The following RAD51B variants were observed in gnomAD, a reference collection of about 807,000 sequenced individuals.
The protein encoded by RAD51B is DNA repair protein RAD51 homolog 2.
A neutral mutation model predicts 42.2 loss-of-function variants in RAD51B; 38 were observed. The ratio of observed to expected loss-of-function variants is 0.90; its 90% CI spans 0.70 to 1.18. RAD51B has a LOEUF of 1.18. RAD51B is among the 50% of genes most tolerant of loss of function. The probability of loss-of-function intolerance (pLI) is 0.00; values close to 1 mark genes in which losing one functional copy is unlikely to be tolerated. For synonymous variants in RAD51B, 154 were observed against 145.2 expected (o/e 1.06, Z -0.43); for missense variants, 373 against 400.7 (o/e 0.93, Z 0.59).
At chr14:68,128,136 T>C (rs1341693632) in intron 7 of RAD51B, among the ~76,000 whole-genome samples, 1 of 152,236 alleles carries the variant, frequency 6.6e-6, no homozygotes, top group Non-Finnish European at 1.5e-5. Flanking sequence ...GTAGAAACCT[T>C]CTGAACATGG....
chr14:68,173,020 T>G (rs1322083186), intron 7 of RAD51B, among the ~76,000 whole-genome samples: 1 of 152,222 alleles, frequency 6.6e-6, no homozygotes, highest in Non-Finnish European at 1.5e-5. Context: ...TTGCATTTTT[T>G]CAAGGCATTT....
At chr14:68,223,021 T>G (rs948701880) in intron 7 of RAD51B, among the ~76,000 whole-genome samples, 6 of 152,166 alleles carry the variant, frequency 3.9e-5, no homozygotes, top group Non-Finnish European at 7.4e-5. Flanking sequence ...GGGAATCTCC[T>G]AGATGTTGTG....
chr14:68,416,880 T>C (rs2084574243), intron 9 of RAD51B, among the ~76,000 whole-genome samples: 1 of 152,064 alleles, frequency 6.6e-6, no homozygotes, highest in African/African-American at 2.4e-5. Flanking sequence ...CCAGATAGCA[T>C]GAGGAGGGTA....
intron 7 of RAD51B, among the ~76,000 whole-genome samples, chr14:68,190,922 A>G (rs1566717434): frequency 6.6e-6 from 1 of 152,176 alleles, no homozygotes; most frequent in Non-Finnish European, 1.5e-5. Flanking sequence ...TTTATGAGTA[A>G]TAATGAAATG....
intron 7 of RAD51B, among the ~76,000 whole-genome samples, chr14:68,003,005 A>G (rs2075515772): frequency 6.6e-6 from 1 of 152,166 alleles, no homozygotes. Context: ...TGTCTTGGGT[A>G]TTCAGGCTCT....
At position 68,072,088 on chromosome 14, in the gene RAD51B, A is replaced by T. The variant is rs1373194201; in HGVS notation, c.756+184884A>T. ...TTATATAAATATATAAATATATATA[A>T]ATATATAATATATAAAATATAAAAA... On this transcript the variant is annotated intron_variant, in intron 7 of 10. Coordinates refer to ENST00000471583, the MANE Select transcript of RAD51B (RefSeq NM_133510.4). 2.4e-4 allele frequency among the ~76,000 whole-genome samples: 31 copies of T among 126,534 alleles called. 2 individuals carry two copies. The highest frequency in any genetic ancestry group is 4.1e-3 in the Middle Eastern group (1 of 244). 83.0% of individuals were successfully genotyped at this position (126,534 alleles called of 152,430 possible). A position where few individuals can be genotyped will look rare whatever the true frequency, so the allele number is the denominator to read the frequency against.
In RAD51B at chr14:67,899,341, A is replaced by G. The variant is rs556184197; in HGVS notation, c.756+12137A>G. On this transcript the variant is annotated intron_variant, in intron 7 of 10. Coordinates refer to ENST00000471583, the MANE Select transcript of RAD51B (RefSeq NM_133510.4). ...TGGGATTACAGGTGTGAGCCACCAC[A>G]CCCGGCCTAGATTATTTTAATGTTG... Among the ~76,000 whole-genome samples, 79 of 151,724 alleles carry G rather than the reference A, an allele frequency of 5.2e-4. 1 individual carries two copies. Among genetic ancestry groups the G allele is most frequent in the South Asian group, 3.5e-3 (17 of 4,810 alleles).
At chr14:68,064,005 T>C (rs2076610284) in intron 7 of RAD51B, among the ~76,000 whole-genome samples, 1 of 152,214 alleles carries the variant, frequency 6.6e-6, no homozygotes. Context: ...TGATATGTTT[T>C]GATTCCTTTT....
At chr14:68,002,631 A>G (rs2075506738) in intron 7 of RAD51B, among the ~76,000 whole-genome samples, 1 of 152,162 alleles carries the variant, frequency 6.6e-6, no homozygotes, top group Non-Finnish European at 1.5e-5. Flanking sequence ...GGTATTGCCA[A>G]GATTTTCTTC....
chr14:68,275,694 A>C (rs79847806), intron 7 of RAD51B, among the ~76,000 whole-genome samples: 3,976 of 152,018 alleles, frequency 0.026, 189 homozygotes, highest in African/African-American at 0.09. Flanking sequence ...ACCCTGTTGC[A>C]TGCAAATTAG....
At chr14:68,540,198 A>G in intron 10 of RAD51B, 3 of 778,952 alleles carry the variant, frequency 3.9e-6, no homozygotes, top group Non-Finnish European at 4.6e-6. Flanking sequence ...TTTTAAATAC[A>G]GGATCTAGAG....
intron 8 of RAD51B, among the ~76,000 whole-genome samples, chr14:68,397,257 A>G (rs2083950188): frequency 6.6e-6 from 1 of 152,236 alleles, no homozygotes; most frequent in African/African-American, 2.4e-5. Context: ...ATTTCTGGAT[A>G]AGCATTGGCC....
At chr14:68,124,333 A>G (rs1206444008) in intron 7 of RAD51B, among the ~76,000 whole-genome samples, 2 of 152,224 alleles carry the variant, frequency 1.3e-5, no homozygotes, top group Non-Finnish European at 2.9e-5. Flanking sequence ...ATAGAGGCAC[A>G]ATAGTATTGG....
chr14:68,044,662 A>G lies in RAD51B; in HGVS notation c.756+157458A>G, dbSNP rs535685222. Among the ~76,000 whole-genome samples the G allele has an allele frequency of 2.0e-5, 3 of 152,200 alleles. No homozygotes were observed. The South Asian group carries it at 6.2e-4, about 32-fold the overall frequency. ...TTAAACTTTGGTCCTTGTCCTTGTT[A>G]CTTTAAAACAGAGAACTTAGTAAAG... On this transcript the variant is annotated intron_variant, in intron 7 of 10. Coordinates refer to ENST00000471583, the MANE Select transcript of RAD51B (RefSeq NM_133510.4).
chr14:67,943,628 A>T (rs1191170387), intron 7 of RAD51B, among the ~76,000 whole-genome samples: 2 of 152,140 alleles, frequency 1.3e-5, no homozygotes, highest in Non-Finnish European at 2.9e-5. Context: ...AAGAACAGTG[A>T]ATCATAGCTC....
intron 7 of RAD51B, among the ~76,000 whole-genome samples, chr14:68,174,510 G>A (rs1400514693): frequency 2.0e-5 from 3 of 152,156 alleles, no homozygotes; most frequent in African/African-American, 7.2e-5. Context: ...CTTAGATATA[G>A]TACCTTGAGC....
intron 7 of RAD51B, among the ~76,000 whole-genome samples, chr14:68,267,801 T>C (rs1328080922): frequency 6.6e-6 from 1 of 152,240 alleles, no homozygotes; most frequent in African/African-American, 2.4e-5. Context: ...GAATATCATA[T>C]AAAAATGTTA....
At chr14:68,662,810 A>C (rs929227113) in intron 11 of RAD51B, among the ~76,000 whole-genome samples, 1 of 152,230 alleles carries the variant, frequency 6.6e-6, no homozygotes, top group Admixed American at 6.5e-5. Context: ...ATTAACCCTG[A>C]GTTCAAAGCA....
chr14:67,903,185 T>C (rs2043669352), intron 7 of RAD51B, among the ~76,000 whole-genome samples: 1 of 152,148 alleles, frequency 6.6e-6, no homozygotes, highest in Non-Finnish European at 1.5e-5. Flanking sequence ...CTGAGTTTAG[T>C]TGGTTTGTCT....
Sources: gnomAD v4.1 joint callset for allele counts (sites outside exome capture counted in the v4.1 genomes callset) on GRCh38, gnomAD v4.1.1 for gene constraint, MANE v1.5 for transcripts, NCBI Gene and HGNC (gene_info 2026-07-23, HGNC 2026-07-21) for gene names.